LUZP1: variants seen among roughly 807,000 people sequenced by gnomAD.
LUZP1 encodes leucine zipper protein 1.
LUZP1 carries 25 observed loss-of-function variants against 71.3 expected under a neutral mutation model. That is an observed-to-expected ratio of 0.35 (90% CI 0.26 to 0.49). The LOEUF (loss-of-function observed/expected upper bound fraction) is 0.49. LUZP1 is among the 20% of genes least tolerant of loss of function. LUZP1 has a pLI of 0.99. For synonymous variants in LUZP1, 481 were observed against 506.4 expected (o/e 0.95, Z 0.67); for missense variants, 1,142 against 1,300.8 (o/e 0.88, Z 1.88).
At chr1:23,165,463 G>A (rs964618537) in intron 2 of LUZP1, among the ~76,000 whole-genome samples, 1 of 151,138 alleles carries the variant, frequency 6.6e-6, no homozygotes, top group Non-Finnish European at 1.5e-5. Flanking sequence ...CCTGAACCCA[G>A]GAGTTCCAGG....
chr1:23,085,272 A>G (rs1161979245), exon 5 of LUZP1: 2 of 152,642 alleles, frequency 1.3e-5, no homozygotes, highest in Non-Finnish European at 2.9e-5. Flanking sequence ...AGTTTATTTG[A>G]GGGCTACTTT....
intron 2 of LUZP1, among the ~76,000 whole-genome samples, chr1:23,117,442 CT>C (rs1289059904): frequency 1.3e-4 from 9 of 69,108 alleles, no homozygotes; most frequent in African/African-American, 2.5e-4. Flanking sequence ...TGTACACATT[CT>C]TTTTTTTTTT....
At chr1:23,164,708 A>G (rs1413624131) in intron 2 of LUZP1, among the ~76,000 whole-genome samples, 1 of 152,186 alleles carries the variant, frequency 6.6e-6, no homozygotes, top group East Asian at 1.9e-4. Context: ...GCAAGCCACA[A>G]TTGCTACCTA....
At chr1:23,084,635 T>G (rs1379997554) in exon 5 of LUZP1, 2 of 152,210 alleles carry the variant, frequency 1.3e-5, no homozygotes, top group Admixed American at 1.3e-4. Context: ...CCAAGTAATG[T>G]CCCTTAAATG....
At chr1:23,145,085 T>C (rs1450010946) in intron 2 of LUZP1, among the ~76,000 whole-genome samples, 3 of 152,058 alleles carry the variant, frequency 2.0e-5, no homozygotes, top group Non-Finnish European at 2.9e-5. Flanking sequence ...TGTGTGTTTG[T>C]AAAGACAGGG....
Position 23,094,696 on chromosome 1 carries a change from G to A in LUZP1, c.-119-316C>T, listed in dbSNP as rs535274177. 6.6e-6 allele frequency among the ~76,000 whole-genome samples: 1 copy of A among 152,286 alleles called. No homozygotes were observed. The highest frequency in any genetic ancestry group is 2.4e-5 in the African/African-American group (1 of 41,566). On this transcript the variant is annotated intron_variant, in intron 3 of 4. Coordinates refer to ENST00000302291, the Ensembl canonical transcript of LUZP1. The surrounding 1 kb of genome is among the most constrained non-coding windows in gnomAD (Gnocchi z 4.7). ...ATCTGCAACCTGCATAATCTCAGGA[G>A]AGTCATTAACAATGGAAACTAAGTC...
intron 1 of LUZP1, among the ~76,000 whole-genome samples, chr1:23,171,403 G>A (rs550562037): frequency 6.6e-6 from 1 of 152,282 alleles, no homozygotes; most frequent in Non-Finnish European, 1.5e-5. Context: ...TCCAAGCTGG[G>A]GTCAGCGTGT....
intron 2 of LUZP1, among the ~76,000 whole-genome samples, chr1:23,161,723 C>T (rs1644467826): frequency 2.0e-5 from 3 of 152,034 alleles, no homozygotes; most frequent in African/African-American, 7.2e-5. Context: ...CATTATAGGT[C>T]AAAATAAAGA....
At chr1:23,092,936 G>A (rs1441005896) in exon 4 of LUZP1, 10 of 1,614,136 alleles carry the variant, frequency 6.2e-6, no homozygotes, top group Non-Finnish European at 8.5e-6. Flanking sequence ...GAGTCCCACT[G>A]TCTGTACTCA....
intron 2 of LUZP1, among the ~76,000 whole-genome samples, chr1:23,123,819 C>T (rs1644149272): frequency 6.6e-6 from 1 of 152,102 alleles, no homozygotes; most frequent in African/African-American, 2.4e-5. Flanking sequence ...AATGCTAAGC[C>T]ACCCTATATA....
In LUZP1 at chr1:23,092,826, G is replaced by A. The variant is rs766262615; in HGVS notation, c.1436C>T (p.Pro479Leu). 1.0e-4 allele frequency: 166 copies of A among 1,612,602 alleles called. 1 individual carries two copies. Among genetic ancestry groups the A allele is most frequent in the Non-Finnish European group, 1.3e-4 (151 of 1,179,230 alleles). Residue 479 changes from proline to leucine, a missense_variant, in exon 4 of 5, where the codon CCG becomes CTG. Pro to Leu is a moderately conservative substitution (Grantham distance 98). Coordinates refer to ENST00000302291, the Ensembl canonical transcript of LUZP1. ...CGCTTTACTGTGCTCCTGAGCAGCC[G>A]GGGGGTAGCGACTCAGCACTGAGGG...
At chr1:23,136,646 C>T (rs984818345) in intron 2 of LUZP1, among the ~76,000 whole-genome samples, 18 of 152,286 alleles carry the variant, frequency 1.2e-4, no homozygotes, top group African/African-American at 3.1e-4. Context: ...CGGTGGCTCA[C>T]GCCTGTAATC....
At chr1:23,084,518 A>AAAG (rs1553133811) in exon 5 of LUZP1, 1 of 152,148 alleles carries the variant, frequency 6.6e-6, no homozygotes, top group Non-Finnish European at 1.5e-5. Context: ...CCTTATCTGC[A>AAAG]AAGTCCCTTT....
intron 2 of LUZP1, among the ~76,000 whole-genome samples, chr1:23,114,498 A>C (rs533930263): frequency 1.3e-5 from 2 of 152,326 alleles, no homozygotes; most frequent in African/African-American, 4.8e-5. Flanking sequence ...TGGTTTTAAA[A>C]GCAGCTTCCC....
intron 2 of LUZP1, among the ~76,000 whole-genome samples, chr1:23,117,454 CCTCTCT>C (rs1185318512): frequency 1.8e-3 from 24 of 13,362 alleles, no homozygotes; most frequent in Middle Eastern, 0.045. Flanking sequence ...TTTTTTTTTT[CCTCTCT>C]CTCTCTCTCT....
At chr1:23,091,054 C>T in intron 4 of LUZP1, 136 bp downstream of exon 3, 1 of 959,404 alleles carries the variant, frequency 1.0e-6, no homozygotes, top group South Asian at 1.5e-5. Context: ...GATTTTTCAA[C>T]AGTTCTCTAA....
chr1:23,111,301 A>G (rs1644030299), intron 2 of LUZP1, among the ~76,000 whole-genome samples: 1 of 151,996 alleles, frequency 6.6e-6, no homozygotes, highest in African/African-American at 2.4e-5. Context: ...CTATAATCCC[A>G]GCACTTTGGG....
chr1:23,110,579 AACATGCAC>A (rs59982254), intron 2 of LUZP1, among the ~76,000 whole-genome samples: 7,862 of 151,282 alleles, frequency 0.052, 677 homozygotes, highest in African/African-American at 0.18. Context: ...CCTCCACCAA[AACATGCAC>A]ACATGCACAC....
At chr1:23,092,718 G>T in exon 4 of LUZP1, 1 of 1,614,108 alleles carries the variant, frequency 6.2e-7, no homozygotes, top group Non-Finnish European at 8.5e-7. Flanking sequence ...AGATCCATGG[G>T]TGGTGTCACT....
Sources: allele counts gnomAD v4.1 joint callset (sites outside exome capture counted in the v4.1 genomes callset), GRCh38; gene constraint gnomAD v4.1.1; non-coding constraint Gnocchi (gnomAD v3.1); transcripts MANE v1.5; gene names NCBI Gene and HGNC (gene_info 2026-07-23, HGNC 2026-07-21).